Variants in SV2C observed in about 807,000 individuals in gnomAD.
SV2C encodes the protein synaptic vesicle glycoprotein 2C, also known as solute carrier family 22 member B3.
A neutral mutation model predicts 79.7 loss-of-function variants in SV2C; 49 were observed. That is an observed-to-expected ratio of 0.61 (90% CI 0.49 to 0.78). The LOEUF (loss-of-function observed/expected upper bound fraction) is 0.78, where lower values mean the gene tolerates loss of function less well. Ranked by LOEUF, SV2C falls within the 30% of genes least tolerant of loss-of-function variation. SV2C has a pLI of 0.00. For synonymous variants in SV2C, 334 were observed against 333.2 expected, an observed-to-expected ratio of 1.00 and a Z score of -0.03; for missense variants, 833 against 912.9, an observed-to-expected ratio of 0.91 and a Z score of 1.13.
intron 4 of SV2C, among the ~76,000 whole-genome samples, chr5:76,282,565 G>A (rs550462112): frequency 6.6e-6 from 1 of 152,228 alleles, no homozygotes; most frequent in African/African-American, 2.4e-5. Context: ...TGTAAGAGTC[G>A]ATTGAAATAG....
chr5:76,144,113 A>G (rs114491383), intron 2 of SV2C, among the ~76,000 whole-genome samples: 1,858 of 152,360 alleles, frequency 0.012, 19 homozygotes, highest in Non-Finnish European at 0.02. Flanking sequence ...ACATCACATC[A>G]TAGTAAGATG....
At chr5:76,027,887 T>C in the SV2C span, among the ~76,000 whole-genome samples, 2 of 152,202 alleles carry the variant, frequency 1.3e-5, no homozygotes, top group Admixed American at 6.5e-5. Flanking sequence ...ACAGACACTG[T>C]TACATGTCCT....
At chr5:76,104,515 G>T (rs1580268649) in intron 1 of SV2C, among the ~76,000 whole-genome samples, 1 of 152,196 alleles carries the variant, frequency 6.6e-6, no homozygotes, top group Non-Finnish European at 1.5e-5. Context: ...CTCCCAAGGA[G>T]CTGGGACTAC....
At chr5:76,214,202 T>A (rs944901449) in intron 4 of SV2C, among the ~76,000 whole-genome samples, 2 of 152,224 alleles carry the variant, frequency 1.3e-5, no homozygotes, top group Non-Finnish European at 2.9e-5. Context: ...TTTAAGTTGA[T>A]TTTTATCTGT....
the SV2C span, among the ~76,000 whole-genome samples, chr5:75,854,006 A>C: frequency 6.6e-5 from 10 of 151,928 alleles, no homozygotes; most frequent in East Asian, 3.8e-4. Flanking sequence ...AAAAAAAAAA[A>C]AAAAACCTCC....
the SV2C span, among the ~76,000 whole-genome samples, chr5:76,070,706 C>T: frequency 5.3e-5 from 8 of 152,324 alleles, no homozygotes; most frequent in East Asian, 1.2e-3. Context: ...ATGAACACTG[C>T]GCTCTATGCT....
At chr5:76,187,668 T>C (rs1743963131) in intron 2 of SV2C, among the ~76,000 whole-genome samples, 1 of 151,972 alleles carries the variant, frequency 6.6e-6, no homozygotes, top group African/African-American at 2.4e-5. Context: ...CCCCTACTTG[T>C]GGCTACTAAA....
the SV2C span, among the ~76,000 whole-genome samples, chr5:76,013,062 T>G: frequency 1.3e-5 from 2 of 152,190 alleles, no homozygotes; most frequent in East Asian, 1.9e-4. Flanking sequence ...TTGTTCTTTT[T>G]ACTTAGGATT....
chr5:76,022,743 T>C, the SV2C span, among the ~76,000 whole-genome samples: 1 of 152,246 alleles, frequency 6.6e-6, no homozygotes, highest in Admixed American at 6.5e-5. Context: ...ACATATAAAA[T>C]AATGCATTAA....
intron 4 of SV2C, chr5:76,242,388 T>C: frequency 2.6e-6 from 2 of 758,276 alleles, no homozygotes; most frequent in Non-Finnish European, 4.4e-6. Context: ...TTCTCGCCTC[T>C]TCTTCACACT....
chr5:76,172,400 C>T (rs1440882826), intron 2 of SV2C, among the ~76,000 whole-genome samples: 22 of 59,830 alleles, frequency 3.7e-4, no homozygotes, highest in Admixed American at 4.8e-4. Flanking sequence ...CCCGGCCAGC[C>T]GCCCCGTCCG....
At chr5:75,985,604 C>G in the SV2C span, among the ~76,000 whole-genome samples, 1 of 151,830 alleles carries the variant, frequency 6.6e-6, no homozygotes, top group Non-Finnish European at 1.5e-5. Context: ...GAAAGATGTC[C>G]TTGCTCTAGA....
intron 12 of SV2C, among the ~76,000 whole-genome samples, chr5:76,340,685 A>C (rs1426833957): frequency 6.6e-6 from 1 of 152,234 alleles, no homozygotes; most frequent in African/African-American, 2.4e-5. Context: ...GGAGAAAAGC[A>C]AGGCAGAATG....
the SV2C span, among the ~76,000 whole-genome samples, chr5:76,006,656 C>A: frequency 6.6e-6 from 1 of 152,114 alleles, no homozygotes; most frequent in Non-Finnish European, 1.5e-5. Context: ...GGTCCCCTTA[C>A]CTCCAATTTC....
At chr5:76,034,010 A>G in the SV2C span, among the ~76,000 whole-genome samples, 1 of 151,552 alleles carries the variant, frequency 6.6e-6, no homozygotes, top group Non-Finnish European at 1.5e-5. Context: ...CTTTGAAGCA[A>G]TTGTGAATGG....
chr5:75,869,822 G>A, the SV2C span, among the ~76,000 whole-genome samples: 17,155 of 152,190 alleles, frequency 0.11, 1,042 homozygotes, highest in Middle Eastern at 0.16. Context: ...GAGAGATTCC[G>A]TTTGTTTGGG....
At chr5:76,127,197 G>T (rs1283785234) in intron 1 of SV2C, among the ~76,000 whole-genome samples, 1 of 152,202 alleles carries the variant, frequency 6.6e-6, no homozygotes, top group Non-Finnish European at 1.5e-5. Flanking sequence ...ATGTTTGGGC[G>T]GTGTGGGGAA....
intron 12 of SV2C, among the ~76,000 whole-genome samples, chr5:76,306,227 TTTTTTA>T (rs1748191227): frequency 6.6e-6 from 1 of 152,192 alleles, no homozygotes; most frequent in Non-Finnish European, 1.5e-5. Context: ...TATTTTATTT[TTTTTTA>T]TTTTAAGAGA....
chr5:76,052,967 A>G, the SV2C span, among the ~76,000 whole-genome samples: 1 of 151,880 alleles, frequency 6.6e-6, no homozygotes, highest in Non-Finnish European at 1.5e-5. Flanking sequence ...AAACATTATA[A>G]CAAAATTTCA....
Sources: allele counts gnomAD v4.1 joint callset (sites outside exome capture counted in the v4.1 genomes callset), GRCh38; gene constraint gnomAD v4.1.1; transcripts MANE v1.5; gene names NCBI Gene and HGNC (gene_info 2026-07-23, HGNC 2026-07-21).